KIF17: variants seen among roughly 807,000 people sequenced by gnomAD.
KIF17 encodes the protein kinesin-like protein KIF17.
Under a neutral mutation model 96.8 loss-of-function variants are expected in KIF17, and 80 were observed. That is an observed-to-expected ratio of 0.83 (90% CI 0.69 to 1.00). KIF17 has a LOEUF of 1.00. KIF17 is among the 50% of genes least tolerant of loss of function. KIF17 has a pLI of 0.00. For missense variants in KIF17, 1,280 were observed against 1,372.9 expected, an observed-to-expected ratio of 0.93 and a Z score of 1.07; for synonymous variants, 567 against 587.5, an observed-to-expected ratio of 0.97 and a Z score of 0.51.
chr1:20,695,039 C>T (rs1570461521), intron 6 of KIF17, among the ~76,000 whole-genome samples: 1 of 152,226 alleles, frequency 6.6e-6, no homozygotes, highest in East Asian at 1.9e-4. Flanking sequence ...CATGCAGGCA[C>T]ACATGTGCAC....
intron 4 of KIF17, among the ~76,000 whole-genome samples, chr1:20,707,120 G>C (rs947500392): frequency 1.3e-5 from 2 of 152,128 alleles, no homozygotes; most frequent in African/African-American, 2.4e-5. Context: ...GAAGGAACTT[G>C]GTGCTGCCTC....
At chr1:20,716,455 TCCAGGCAGCCAG>T (rs908707183) in intron 1 of KIF17, among the ~76,000 whole-genome samples, 11 of 151,406 alleles carry the variant, frequency 7.3e-5, no homozygotes, top group African/African-American at 1.9e-4. Context: ...GCGACAAGAG[TCCAGGCAGCCAG>T]CCGGCAGGGA....
chr1:20,698,848 A>G (rs982401767), intron 5 of KIF17, among the ~76,000 whole-genome samples: 3 of 152,176 alleles, frequency 2.0e-5, no homozygotes, highest in Non-Finnish European at 4.4e-5. Flanking sequence ...CAAAATAAAT[A>G]AGCAAAATGG....
intron 12 of KIF17, among the ~76,000 whole-genome samples, chr1:20,670,918 G>A (rs2053637674): frequency 6.6e-6 from 1 of 152,202 alleles, no homozygotes. Flanking sequence ...TCCACGGCTG[G>A]AGAAAGAGCC....
At chr1:20,673,824 C>T (rs570490591) in intron 11 of KIF17, among the ~76,000 whole-genome samples, 112 of 152,238 alleles carry the variant, frequency 7.4e-4, no homozygotes, top group African/African-American at 2.5e-3. Context: ...CCACCGCGCC[C>T]GGCCCTGCTC....
At position 20,672,174 on chromosome 1, in the gene KIF17, A is replaced by G; in HGVS notation, c.2486T>C (p.Ile829Thr). ...QRKLRAAEVE[I>T]KDLQSEFQLE... Reference sequence around the variant, plus strand: ...CTGAAACTCGGACTGCAGATCTTTGATCTCCACCTCTGCTGCCCGAAGCTG... The same window carrying G: ...CTGAAACTCGGACTGCAGATCTTTGGTCTCCACCTCTGCTGCCCGAAGCTG... Residue 829 changes from isoleucine to threonine, a missense_variant, in exon 12 of 15, where the codon ATC (isoleucine) becomes ACC (threonine). Transcript: ENST00000400463. This position sits in a 1 kb window ranked among gnomAD's most constrained non-coding sequence, Gnocchi z 4.3. 2 of 1,614,066 alleles carry G rather than the reference A, an allele frequency of 1.2e-6. No individual in the cohort carries two copies. The highest frequency in any genetic ancestry group is 1.7e-6 in the Non-Finnish European group (2 of 1,180,014).
chr1:20,717,404 G>A, intron 1 of KIF17, 72 bp downstream of exon 1: 2 of 1,555,572 alleles, frequency 1.3e-6, no homozygotes, highest in Non-Finnish European at 1.7e-6. Context: ...GGGGGGCAGC[G>A]CAGCCCCCTG....
chr1:20,695,130 A>G (rs199749805), intron 6 of KIF17, among the ~76,000 whole-genome samples: 131 of 147,800 alleles, frequency 8.9e-4, no homozygotes, highest in East Asian at 5.8e-3. Context: ...ACACACACGC[A>G]CACACACGCA....
In KIF17 at chr1:20,687,373, C is replaced by A. The variant is rs764931146; in HGVS notation, c.1938+15G>T. The A allele has an allele frequency of 1.9e-5, 30 of 1,611,834 alleles. No individual in the cohort carries two copies. The highest frequency in any genetic ancestry group is 4.1e-4 in the Middle Eastern group (2 of 4,838). ...TGCTCAGTGTTCACATGGCACCATGCGTGACATCAGCTACCTGCACAGGGA... is the reference window on the plus strand; with the variant it reads ...TGCTCAGTGTTCACATGGCACCATGAGTGACATCAGCTACCTGCACAGGGA... On this transcript the variant is annotated intron_variant, in intron 8 of 14. Transcript: ENST00000400463. The surrounding 1 kb of genome is among the most constrained non-coding windows in gnomAD (Gnocchi z 4.4).
At chr1:20,677,338 T>C (rs1365135233) in intron 11 of KIF17, among the ~76,000 whole-genome samples, 1 of 152,208 alleles carries the variant, frequency 6.6e-6, no homozygotes, top group Admixed American at 6.5e-5. Flanking sequence ...TCTAGTGACA[T>C]CGAGCAAAAT....
chr1:20,662,099 A>G (rs1053438985), downstream of KIF17, among the ~76,000 whole-genome samples: 7 of 152,264 alleles, frequency 4.6e-5, no homozygotes. Context: ...ACTAAGGACG[A>G]GGTCCAGCTC....
intron 13 of KIF17, among the ~76,000 whole-genome samples, chr1:20,667,527 C>T (rs1020938944): frequency 7.9e-5 from 12 of 152,178 alleles, no homozygotes; most frequent in Non-Finnish European, 1.5e-4. Context: ...ATCAGACCCC[C>T]CACCCCGTCC....
Position 20,684,947 on chromosome 1 carries a change from T to G in KIF17, c.2093A>C (p.Gln698Pro), listed in dbSNP as rs139742596. The G allele has an allele frequency of 7.9e-5, 126 of 1,603,666 alleles. 1 individual carries two copies. In the East Asian group the frequency reaches 2.5e-3, roughly 32 times the overall value. The change falls in exon 10 of 15, where the codon CAG becomes CCG. Residue 698 changes from glutamine (Q) to proline (P), a missense_variant. Gln to Pro is a moderately conservative substitution (Grantham distance 76). Transcript: ENST00000400463. ...CTGAGCCACCAGGGCCACCGGGGCCTGAGCCTCCAACCACACGCCAGGCTC... is the reference window on the plus strand; with the variant it reads ...CTGAGCCACCAGGGCCACCGGGGCCGGAGCCTCCAACCACACGCCAGGCTC... Reference protein sequence around the residue: ...TAEPGVWLEAQAPVALVAQPE... With the variant: ...TAEPGVWLEAPAPVALVAQPE...
At chr1:20,669,564 T>TAAATAAAATA (rs1553149017) in intron 13 of KIF17, among the ~76,000 whole-genome samples, 2 of 124,490 alleles carry the variant, frequency 1.6e-5, no homozygotes, top group East Asian at 2.3e-4. Flanking sequence ...ATAATAATAA[T>TAAATAAAATA]AAATAAAATA....
At chr1:20,707,916 TATTAG>T (rs1302965665) in intron 4 of KIF17, among the ~76,000 whole-genome samples, 1 of 149,254 alleles carries the variant, frequency 6.7e-6, no homozygotes, top group Non-Finnish European at 1.5e-5. Context: ...TATAAATAAT[TATTAG>T]ATATTAATAT....
intron 14 of KIF17, 107 bp from the exon 15 acceptor site, chr1:20,664,869 C>A (rs960311424): frequency 2.9e-6 from 3 of 1,052,374 alleles, no homozygotes; most frequent in Non-Finnish European, 4.3e-6. Context: ...CTCCCGCCCC[C>A]CTGCCCAGCC....
rs1335945620 is a variant in KIF17, at chr1:20,704,210, G to A, written c.1123+237C>T. Among the ~76,000 whole-genome samples the A allele has an allele frequency of 6.6e-6, 1 of 152,106 alleles. No individual in the cohort carries two copies. Among genetic ancestry groups the A allele is most frequent in the Non-Finnish European group, 1.5e-5 (1 of 68,000 alleles). On this transcript the variant is annotated intron_variant, in intron 5 of 14. Coordinates refer to ENST00000400463, the MANE Select transcript of KIF17 (RefSeq NM_001122819.3). This position sits in a 1 kb window ranked among gnomAD's most constrained non-coding sequence, Gnocchi z 6.8. ...TGAGCAGATGAGAGGCGGGGAGTGG[G>A]CAACAGCCTGCGTCAGATGGGACAG...
intron 12 of KIF17, 26 bp downstream of exon 12, chr1:20,671,912 G>C: frequency 1.2e-6 from 2 of 1,608,760 alleles, no homozygotes; most frequent in South Asian, 2.2e-5. Flanking sequence ...AGGGAGGGGA[G>C]GGCAAGGGCC....
In KIF17 at chr1:20,709,808, C is replaced by T. The variant is rs2054406427; in HGVS notation, c.501G>A (p.Lys167=). 1.2e-6 allele frequency: 2 copies of T among 1,612,254 alleles called. No homozygotes were observed. The highest frequency in any genetic ancestry group is 2.2e-5 in the East Asian group (1 of 44,818). ...TGGACAGCCCCTTCACGTACACGCC[C>T]TTCTCTGGGTGCTCCTTCAGCTGAG... The part of the protein sequence containing the change: ...QKLELKEHPE[K]GVYVKGLSMH... Residue 167 remains lysine (K), a synonymous_variant, in exon 4 of 15, where the codon AAG becomes AAA. Transcript: ENST00000400463. The surrounding 1 kb of genome is among the most constrained non-coding windows in gnomAD (Gnocchi z 4.7).
Sources: gnomAD v4.1 joint callset for allele counts (sites outside exome capture counted in the v4.1 genomes callset) on GRCh38, gnomAD v4.1.1 for gene constraint, Gnocchi (gnomAD v3.1) non-coding constraint, MANE v1.5 for transcripts, NCBI Gene and HGNC (gene_info 2026-07-23, HGNC 2026-07-21) for gene names.